The following RBMS2 variants were observed in gnomAD, a reference collection of about 807,000 sequenced individuals.
The protein encoded by RBMS2 is RNA binding motif single stranded interacting protein 2.
Under a neutral mutation model 58.4 loss-of-function variants are expected in RBMS2, and 38 were observed. That is an observed-to-expected ratio of 0.65 (90% CI 0.50 to 0.85). RBMS2 has a LOEUF of 0.85. Among genes scored for constraint, RBMS2 ranks in the 40% least tolerant of loss-of-function variants. The probability of loss-of-function intolerance (pLI) is 0.00; values close to 1 mark genes in which losing one functional copy is unlikely to be tolerated. For synonymous variants in RBMS2, 151 were observed against 180.7 expected, an observed-to-expected ratio of 0.84 and a Z score of 1.32; for missense variants, 367 against 503.7, an observed-to-expected ratio of 0.73 and a Z score of 2.60.
At chr12:56,540,600 G>A (rs114401896) in intron 1 of RBMS2, among the ~76,000 whole-genome samples, 5,499 of 152,104 alleles carry the variant, frequency 0.036, 344 homozygotes, top group African/African-American at 0.12. Context: ...GACTGATCTC[G>A]AACTCCTGGC....
intron 1 of RBMS2, among the ~76,000 whole-genome samples, chr12:56,542,829 C>T (rs551920807): frequency 2.6e-5 from 4 of 151,828 alleles, no homozygotes; most frequent in South Asian, 2.1e-4. Flanking sequence ...GGATTATAGC[C>T]GTGAGCCACC....
chr12:56,565,315 T>C (rs1449236898), intron 2 of RBMS2, among the ~76,000 whole-genome samples: 3 of 152,148 alleles, frequency 2.0e-5, no homozygotes, highest in Non-Finnish European at 4.4e-5. Flanking sequence ...ATTTGGTGTA[T>C]AGATTATTTT....
chr12:56,580,880 A>G (rs1883850285), intron 5 of RBMS2, among the ~76,000 whole-genome samples: 1 of 152,256 alleles, frequency 6.6e-6, no homozygotes, highest in Non-Finnish European at 1.5e-5. Flanking sequence ...TAATGGTAAC[A>G]ACCTCTATTT....
At position 56,594,654 on chromosome 12, in the gene RBMS2, G is replaced by A. The variant is rs760215319; in HGVS notation, c.*5521G>A. 2 of 152,168 alleles carry A rather than the reference G, an allele frequency of 1.3e-5. No homozygotes were observed. The highest frequency in any genetic ancestry group is 2.4e-5 in the African/African-American group (1 of 41,418). The allele number at this position is 152,168 out of a possible 1,614,324, so 9.4% of individuals were successfully genotyped here. ...GAGTTGGCAGCTAAAACCAGACTGT[G>A]AGCTTCTGTCTCCGTTCTGATTTTT... On this transcript the variant is annotated 3_prime_UTR_variant, in exon 14 of 14. Coordinates refer to ENST00000262031, the MANE Select transcript of RBMS2 (RefSeq NM_002898.4).
intron 1 of RBMS2, among the ~76,000 whole-genome samples, chr12:56,561,161 A>C (rs1880317611): frequency 6.6e-6 from 1 of 152,064 alleles, no homozygotes; most frequent in Non-Finnish European, 1.5e-5. Context: ...TATTCAGTCT[A>C]CCATTGATGG....
chr12:56,581,612 C>A, intron 7 of RBMS2, 104 bp downstream of exon 7: 1 of 1,279,986 alleles, frequency 7.8e-7, no homozygotes. Context: ...TTGAGAGCTA[C>A]AGTACGTAAT....
intron 1 of RBMS2, among the ~76,000 whole-genome samples, chr12:56,528,248 T>TC (rs1328719018): frequency 1.4e-5 from 1 of 73,108 alleles, no homozygotes; most frequent in Non-Finnish European, 3.1e-5. Flanking sequence ...AGACCATGTA[T>TC]CAAAAAAAAA....
chr12:56,560,517 G>A (rs1364202973), intron 1 of RBMS2, among the ~76,000 whole-genome samples: 1 of 152,014 alleles, frequency 6.6e-6, no homozygotes, highest in Admixed American at 6.6e-5. Context: ...ACCTCCCAAA[G>A]TGCTGGGATT....
chr12:56,539,638 T>G (rs1418084903), intron 1 of RBMS2: 2 of 445,890 alleles, frequency 4.5e-6, no homozygotes, highest in African/African-American at 4.1e-5. Flanking sequence ...TTTTATATAA[T>G]AGACAGTATT....
intron 5 of RBMS2, among the ~76,000 whole-genome samples, chr12:56,578,068 TC>T (rs781680518): frequency 5.3e-5 from 8 of 152,162 alleles, no homozygotes; most frequent in Non-Finnish European, 8.8e-5. Flanking sequence ...CAAGCAGTCC[TC>T]CTGCCTCAGC....
chr12:56,571,137 C>T (rs1193204968), intron 4 of RBMS2, among the ~76,000 whole-genome samples: 1 of 152,176 alleles, frequency 6.6e-6, no homozygotes, highest in East Asian at 1.9e-4. Flanking sequence ...GAGTAAAACC[C>T]TCTGACAAAA....
Position 56,581,173 on chromosome 12 carries a change from A to G in RBMS2, c.543-11A>G. On this transcript the variant is annotated splice_polypyrimidine_tract_variant and intron_variant, in intron 5 of 13. Coordinates refer to ENST00000262031, the MANE Select transcript of RBMS2 (RefSeq NM_002898.4). ...GAGAAGCTAGAGCCTAACCCCTCTT[A>G]TGCTCCTTAGGATGGAGTCCACAGA... 6.3e-7 allele frequency: 1 copy of G among 1,581,028 alleles called. No homozygotes were observed. The highest frequency in any genetic ancestry group is 8.7e-7 in the Non-Finnish European group (1 of 1,150,696).
At chr12:56,543,171 C>T (rs1175580919) in intron 1 of RBMS2, among the ~76,000 whole-genome samples, 1 of 152,092 alleles carries the variant, frequency 6.6e-6, no homozygotes, top group African/African-American at 2.4e-5. Context: ...CCACACCCAG[C>T]CCCATACTTC....
intron 1 of RBMS2, among the ~76,000 whole-genome samples, chr12:56,533,401 C>G (rs1188135915): frequency 8.1e-6 from 1 of 123,356 alleles, no homozygotes; most frequent in East Asian, 2.3e-4. Flanking sequence ...GGCACCCAGC[C>G]CTATTACTTT....
At chr12:56,571,437 T>G (rs1457156331) in intron 4 of RBMS2, among the ~76,000 whole-genome samples, 3 of 152,182 alleles carry the variant, frequency 2.0e-5, no homozygotes, top group Non-Finnish European at 4.4e-5. Context: ...TCTGCCTGTT[T>G]CTAAAAGAGA....
chr12:56,595,409 T>A lies in RBMS2; in HGVS notation c.*6276T>A, dbSNP rs1885673755. ...GAAAATGTTTATACTTAAACAGACA[T>A]ATTTTGCATATTTTTATCTGGAGAC... On this transcript the variant is annotated 3_prime_UTR_variant, in exon 14 of 14. Coordinates refer to ENST00000262031, the MANE Select transcript of RBMS2 (RefSeq NM_002898.4). 6.6e-6 allele frequency: 1 copy of A among 152,126 alleles called. No individual in the cohort carries two copies. Among genetic ancestry groups the A allele is most frequent in the Admixed American group, 6.6e-5 (1 of 15,264 alleles). 9.4% of individuals were successfully genotyped at this position (152,126 alleles called of 1,614,324 possible). A position where few individuals can be genotyped will look rare whatever the true frequency, so the allele number is the denominator to read the frequency against.
At chr12:56,527,805 C>T (rs933736190) in intron 1 of RBMS2, 2 of 135,604 alleles carry the variant, frequency 1.5e-5, no homozygotes, top group Admixed American at 8.4e-5. Flanking sequence ...TGGCCAGTTA[C>T]GTTAATGCAG....
rs1485387781 is a variant in RBMS2, at chr12:56,594,992, T to G, written c.*5859T>G. 1 of 152,212 alleles carries G rather than the reference T, an allele frequency of 6.6e-6. No individual in the cohort carries two copies. The highest frequency in any genetic ancestry group is 1.5e-5 in the Non-Finnish European group (1 of 68,038). The allele number at this position is 152,212 out of a possible 1,614,324, so 9.4% of individuals were successfully genotyped here. On this transcript the variant is annotated 3_prime_UTR_variant, in exon 14 of 14. Transcript: ENST00000262031. ...ATTCCTACAGTGTTTTCTCTGGGAT[T>G]TTTAGCTCACTGATCGCCCTAGAAT...
At chr12:56,544,054 G>GA (rs1318099183) in intron 1 of RBMS2, among the ~76,000 whole-genome samples, 1 of 151,244 alleles carries the variant, frequency 6.6e-6, no homozygotes, top group Non-Finnish European at 1.5e-5. Context: ...AAGGCAGGGG[G>GA]ATCACAAGGT....
Sources: allele counts gnomAD v4.1 joint callset (sites outside exome capture counted in the v4.1 genomes callset), GRCh38; gene constraint gnomAD v4.1.1; transcripts MANE v1.5; gene names NCBI Gene and HGNC (gene_info 2026-07-23, HGNC 2026-07-21).